The following CCSER1 variants were observed in gnomAD, a reference collection of about 807,000 sequenced individuals.
CCSER1 encodes coiled-coil serine rich protein 1.
Under a neutral mutation model 82.0 loss-of-function variants are expected in CCSER1, and 41 were observed. The observed-to-expected ratio is 0.50, with a 90% confidence interval of 0.39 to 0.65. The LOEUF (loss-of-function observed/expected upper bound fraction) is 0.65. Among genes scored for constraint, CCSER1 ranks in the 30% least tolerant of loss-of-function variants. CCSER1 has a pLI of 0.00. For missense variants in CCSER1, 1,119 were observed against 1,064.2 expected (o/e 1.05, Z -0.72); for synonymous variants, 414 against 383.9 (o/e 1.08, Z -0.92).
At chr4:91,023,891 C>G (rs1561480057) in intron 9 of CCSER1, among the ~76,000 whole-genome samples, 1 of 152,126 alleles carries the variant, frequency 6.6e-6, no homozygotes, top group Non-Finnish European at 1.5e-5. Flanking sequence ...ATTTTCTTAG[C>G]TATCTTTCTT....
intron 7 of CCSER1, among the ~76,000 whole-genome samples, chr4:90,753,473 A>C (rs1027743108): frequency 1.1e-4 from 16 of 152,150 alleles, no homozygotes; most frequent in Admixed American, 7.2e-4. Flanking sequence ...ATAGAAATTC[A>C]TACTTGATTT....
chr4:90,439,597 T>C (rs978035894), intron 4 of CCSER1, among the ~76,000 whole-genome samples: 5 of 152,224 alleles, frequency 3.3e-5, no homozygotes, highest in African/African-American at 2.4e-5. Flanking sequence ...ATTTTGCTTC[T>C]ATATATCCTA....
At chr4:90,727,278 G>C (rs776840710) in intron 7 of CCSER1, 3 of 455,940 alleles carry the variant, frequency 6.6e-6, no homozygotes, top group South Asian at 4.6e-5. Flanking sequence ...AAGAGCCAAA[G>C]GATAACCAAT....
intron 10 of CCSER1, among the ~76,000 whole-genome samples, chr4:91,289,425 A>G (rs1010521260): frequency 6.6e-6 from 1 of 152,126 alleles, no homozygotes; most frequent in Non-Finnish European, 1.5e-5. Context: ...AAGGGGAATT[A>G]AAATAATTAC....
At chr4:91,415,426 T>C (rs940208013) in intron 10 of CCSER1, among the ~76,000 whole-genome samples, 2 of 152,160 alleles carry the variant, frequency 1.3e-5, no homozygotes, top group African/African-American at 4.8e-5. Context: ...CTGATTGCCC[T>C]GGCCAGAAAT....
rs114401563 is a variant in CCSER1, at chr4:91,254,034, G to T, written c.2217+168040G>T. ...GGGATTGCAATTCAACATGAGATTT[G>T]GTCAGGGACACAGATTGAAACTATA... On this transcript the variant is annotated intron_variant, in intron 10 of 10. Transcript: ENST00000509176. 8.2e-3 allele frequency among the ~76,000 whole-genome samples: 1,254 copies of T among 152,172 alleles called. 22 individuals carry two copies. Among genetic ancestry groups the T allele is most frequent in the African/African-American group, 0.029 (1,192 of 41,508 alleles).
chr4:90,496,554 T>C (rs555756084), intron 5 of CCSER1, among the ~76,000 whole-genome samples: 2 of 152,228 alleles, frequency 1.3e-5, no homozygotes, highest in South Asian at 4.1e-4. Flanking sequence ...ATTTATGGAG[T>C]CTTCAGGTTA....
In CCSER1 at chr4:91,576,133, A is replaced by T. The variant is rs1272892545; in HGVS notation, c.2218-22439A>T. 2.0e-5 allele frequency among the ~76,000 whole-genome samples: 3 copies of T among 151,980 alleles called. No homozygotes were observed. In the East Asian group the frequency reaches 5.8e-4, roughly 29 times the overall value. ...CCACTGATGGACGAATGGATACAGA[A>T]ATGTGATCTATCTATCTATCAATCA... On this transcript the variant is annotated intron_variant, in intron 10 of 10. Coordinates refer to ENST00000509176, the MANE Select transcript of CCSER1 (RefSeq NM_001145065.2).
chr4:90,944,866 C>T (rs1353207814), intron 9 of CCSER1, among the ~76,000 whole-genome samples: 1 of 152,208 alleles, frequency 6.6e-6, no homozygotes, highest in Non-Finnish European at 1.5e-5. Context: ...TTCTTCCCCA[C>T]CTGCTCTGTC....
At chr4:91,460,985 A>T (rs1398972969) in intron 10 of CCSER1, among the ~76,000 whole-genome samples, 1 of 152,156 alleles carries the variant, frequency 6.6e-6, no homozygotes. Flanking sequence ...TATGACTTTT[A>T]TGACTTTTAG....
chr4:90,236,116 A>AT (rs1412697268), intron 1 of CCSER1, among the ~76,000 whole-genome samples: 1 of 151,918 alleles, frequency 6.6e-6, no homozygotes, highest in Non-Finnish European at 1.5e-5. Context: ...CTAATTTTTA[A>AT]TTTTTTGTAG....
intron 4 of CCSER1, among the ~76,000 whole-genome samples, chr4:90,430,902 G>A (rs535510071): frequency 6.6e-6 from 1 of 151,996 alleles, no homozygotes; most frequent in East Asian, 1.9e-4. Flanking sequence ...TAAATTTTTA[G>A]TAGGGGAGTG....
intron 10 of CCSER1, among the ~76,000 whole-genome samples, chr4:91,439,726 G>A (rs1231263794): frequency 2.0e-5 from 3 of 151,894 alleles, no homozygotes; most frequent in South Asian, 2.1e-4. Flanking sequence ...CCCATCTCAC[G>A]TGCAGAGACA....
At chr4:91,588,426 T>G (rs1388789448) in intron 10 of CCSER1, among the ~76,000 whole-genome samples, 1 of 151,708 alleles carries the variant, frequency 6.6e-6, no homozygotes, top group Non-Finnish European at 1.5e-5. Context: ...ATTTTTGAAA[T>G]TCTATGCTTC....
chr4:90,391,165 C>T (rs1158268634), intron 3 of CCSER1, among the ~76,000 whole-genome samples: 11 of 144,584 alleles, frequency 7.6e-5, no homozygotes, highest in African/African-American at 7.8e-5. Flanking sequence ...CCCAGCTACT[C>T]GGGAGGCTGA....
chr4:91,515,069 C>T (rs900646850), intron 10 of CCSER1, among the ~76,000 whole-genome samples: 3 of 152,256 alleles, frequency 2.0e-5, no homozygotes, highest in Non-Finnish European at 4.4e-5. Flanking sequence ...GACCCAGTTA[C>T]ATTGTCAAAT....
chr4:91,348,916 T>C (rs1043357430), intron 10 of CCSER1, among the ~76,000 whole-genome samples: 1 of 152,092 alleles, frequency 6.6e-6, no homozygotes, highest in African/African-American at 2.4e-5. Context: ...TTAATTTATT[T>C]ATTTATTTTT....
intron 5 of CCSER1, among the ~76,000 whole-genome samples, chr4:90,543,689 G>A (rs1255076924): frequency 6.6e-6 from 1 of 152,122 alleles, no homozygotes; most frequent in Non-Finnish European, 1.5e-5. Context: ...TATCTCACAA[G>A]AATGTCTGAT....
chr4:90,814,721 CT>C lies in CCSER1; in HGVS notation c.2011-1038del, dbSNP rs1580609764. ...GGCAGTGGCAAAATGGCACCAGGCT[CT>C]TTGCTAAAGCATAGCAATAGTGACC... On this transcript the variant is annotated intron_variant, in intron 7 of 10. Coordinates refer to ENST00000509176, the MANE Select transcript of CCSER1 (RefSeq NM_001145065.2). Among the ~76,000 whole-genome samples, 4 of 152,294 alleles carry C rather than the reference CT, an allele frequency of 2.6e-5. No homozygotes were observed. In the East Asian group the frequency reaches 7.7e-4, roughly 29 times the overall value.
Sources: gnomAD v4.1 joint callset for allele counts (sites outside exome capture counted in the v4.1 genomes callset) on GRCh38, gnomAD v4.1.1 for gene constraint, MANE v1.5 for transcripts, NCBI Gene and HGNC (gene_info 2026-07-23, HGNC 2026-07-21) for gene names.